PREX1: variants seen among roughly 807,000 people sequenced by gnomAD.
The protein encoded by PREX1 is phosphatidylinositol-3,4,5-trisphosphate dependent Rac exchange factor 1.
PREX1 carries 41 observed loss-of-function variants against 198.3 expected under a neutral mutation model. That is an observed-to-expected ratio of 0.21 (90% confidence interval 0.16 to 0.27). The LOEUF (loss-of-function observed/expected upper bound fraction) is 0.27, where lower values mean the gene tolerates loss of function less well. PREX1 is among the 10% of genes least tolerant of loss of function. The probability of loss-of-function intolerance (pLI) is 1.00; values close to 1 mark genes in which losing one functional copy is unlikely to be tolerated. For synonymous variants in PREX1, 843 were observed against 887.2 expected (o/e 0.95, Z 0.89); for missense variants, 1,620 against 2,200.7 (o/e 0.74, Z 5.28).
intron 2 of PREX1, among the ~76,000 whole-genome samples, chr20:48,747,381 A>C (rs2090113522): frequency 6.6e-6 from 1 of 152,216 alleles, no homozygotes; most frequent in Non-Finnish European, 1.5e-5. Flanking sequence ...ATTACTCATC[A>C]GCCCTGCCTG....
upstream of PREX1, among the ~76,000 whole-genome samples, chr20:48,828,351 G>C (rs1458665083): frequency 6.6e-6 from 1 of 152,036 alleles, no homozygotes; most frequent in African/African-American, 2.4e-5. Context: ...CGCGGGCTAC[G>C]CCACTCCCAC....
chr20:48,711,854 C>T (rs1213930433), intron 5 of PREX1, among the ~76,000 whole-genome samples: 3 of 152,196 alleles, frequency 2.0e-5, no homozygotes, highest in Non-Finnish European at 2.9e-5. Context: ...GCAGAAGTGC[C>T]GGGTGCAGTT....
chr20:48,791,687 T>A (rs1044007512), intron 1 of PREX1, among the ~76,000 whole-genome samples: 1 of 152,052 alleles, frequency 6.6e-6, no homozygotes, highest in Admixed American at 6.5e-5. Context: ...GAAATCAAGT[T>A]CAGTGTCCAG....
chr20:48,725,319 T>C (rs991887392), intron 5 of PREX1, among the ~76,000 whole-genome samples: 2 of 152,260 alleles, frequency 1.3e-5, no homozygotes, highest in Non-Finnish European at 2.9e-5. Flanking sequence ...AATAGCCATT[T>C]TGTTCAGCCA....
At chr20:48,858,129 C>A in the PREX1 span, among the ~76,000 whole-genome samples, 2 of 152,206 alleles carry the variant, frequency 1.3e-5, no homozygotes, top group African/African-American at 4.8e-5. Context: ...TCGAGGCCTC[C>A]ATGGTTGGTG....
chr20:48,811,723 T>TAC (rs1381297303), intron 1 of PREX1, among the ~76,000 whole-genome samples: 2 of 151,896 alleles, frequency 1.3e-5, no homozygotes, highest in African/African-American at 2.4e-5. Flanking sequence ...CAGACCTGGA[T>TAC]ACACACACAC....
upstream of PREX1, among the ~76,000 whole-genome samples, chr20:48,829,652 A>G (rs2090531386): frequency 6.6e-6 from 1 of 152,168 alleles, no homozygotes; most frequent in African/African-American, 2.4e-5. Context: ...ATTCCTAATA[A>G]AGGCCTCTGG....
At chr20:48,782,157 C>G (rs938779172) in intron 1 of PREX1, among the ~76,000 whole-genome samples, 2 of 152,144 alleles carry the variant, frequency 1.3e-5, no homozygotes, top group African/African-American at 4.8e-5. Flanking sequence ...AAAAGTCAGG[C>G]TGGGTCACTG....
intron 3 of PREX1, among the ~76,000 whole-genome samples, chr20:48,744,548 G>T (rs905846079): frequency 1.3e-5 from 2 of 152,318 alleles, no homozygotes; most frequent in South Asian, 4.1e-4. Context: ...AATCTTGCAG[G>T]AAGAGAGAGG....
At chr20:48,719,692 G>A (rs779611278) in intron 5 of PREX1, among the ~76,000 whole-genome samples, 2 of 152,162 alleles carry the variant, frequency 1.3e-5, no homozygotes, top group Non-Finnish European at 2.9e-5. Context: ...GGCAAAGGAT[G>A]TGAAAAGGCA....
At chr20:48,652,543 A>G in intron 21 of PREX1, 43 bp downstream of exon 21, 4 of 1,562,130 alleles carry the variant, frequency 2.6e-6, no homozygotes, top group South Asian at 1.2e-5. Flanking sequence ...CCGGAGTCTC[A>G]GTCCCTCTGG....
At chr20:48,700,634 T>C (rs1601084975) in intron 7 of PREX1, 119 bp downstream of exon 7, 3 of 1,359,590 alleles carry the variant, frequency 2.2e-6, no homozygotes, top group East Asian at 2.3e-5. Flanking sequence ...ACAGCACTGA[T>C]GTAGAACAAA....
intron 1 of PREX1, among the ~76,000 whole-genome samples, chr20:48,800,423 T>C (rs1440977972): frequency 6.6e-6 from 1 of 152,184 alleles, no homozygotes; most frequent in Non-Finnish European, 1.5e-5. Context: ...TATTTACCAC[T>C]TGACTTATCA....
At chr20:48,665,671 A>G (rs2089634281) in intron 15 of PREX1, among the ~76,000 whole-genome samples, 1 of 152,228 alleles carries the variant, frequency 6.6e-6, no homozygotes, top group African/African-American at 2.4e-5. Context: ...ATATATGTGA[A>G]GTGTCTAGAA....
chr20:48,811,866 A>C (rs1022209209), intron 1 of PREX1, among the ~76,000 whole-genome samples: 2 of 152,270 alleles, frequency 1.3e-5, no homozygotes, highest in Admixed American at 6.5e-5. Flanking sequence ...CTGTCCTCCA[A>C]GGAGTCTTAG....
At chr20:48,702,075 G>T (rs891098559) in intron 6 of PREX1, among the ~76,000 whole-genome samples, 5 of 152,148 alleles carry the variant, frequency 3.3e-5, no homozygotes, top group African/African-American at 1.2e-4. Context: ...CAGGCATGAT[G>T]GCAGATGCCT....
intron 4 of PREX1, among the ~76,000 whole-genome samples, chr20:48,728,373 C>T (rs1377292353): frequency 6.6e-6 from 1 of 152,252 alleles, no homozygotes; most frequent in East Asian, 1.9e-4. Flanking sequence ...CCCTACCACA[C>T]ATGGGGAAAT....
chr20:48,862,461 A>G, the PREX1 span, among the ~76,000 whole-genome samples: 1 of 152,122 alleles, frequency 6.6e-6, no homozygotes, highest in African/African-American at 2.4e-5. Flanking sequence ...AGGCACTATT[A>G]TAACCCATTT....
chr20:48,708,907 C>T (rs2089916859), intron 5 of PREX1, among the ~76,000 whole-genome samples: 2 of 152,162 alleles, frequency 1.3e-5, no homozygotes, highest in Admixed American at 6.5e-5. Flanking sequence ...CCCAACACTG[C>T]TCCTCCCCAG....
Sources: gnomAD v4.1 joint callset for allele counts (sites outside exome capture counted in the v4.1 genomes callset) on GRCh38, gnomAD v4.1.1 for gene constraint, MANE v1.5 for transcripts, NCBI Gene and HGNC (gene_info 2026-07-23, HGNC 2026-07-21) for gene names.